Variants in BRINP1 observed in about 807,000 individuals in gnomAD.
BRINP1 encodes BMP/retinoic acid-inducible neural-specific protein 1.
A neutral mutation model predicts 72.9 loss-of-function variants in BRINP1; 17 were observed. The observed-to-expected ratio is 0.23, with a 90% CI of 0.16 to 0.35. BRINP1 has a LOEUF of 0.35. BRINP1 is among the 10% of genes least tolerant of loss of function. The pLI is 1.00. For synonymous variants in BRINP1, 418 were observed against 378.5 expected, an observed-to-expected ratio of 1.10 and a Z score of -1.21; for missense variants, 850 against 1,001.6, an observed-to-expected ratio of 0.85 and a Z score of 2.04.
intron 3 of BRINP1, among the ~76,000 whole-genome samples, chr9:119,247,657 CAAAAAAAAAAAA>C (rs3983912): frequency 1.4e-5 from 1 of 73,018 alleles, no homozygotes; most frequent in Non-Finnish European, 2.4e-5. Context: ...GACTCCGTCT[CAAAAAAAAAAAA>C]AAAAAAAAAA....
At chr9:119,319,606 T>C (rs948016082) in intron 1 of BRINP1, among the ~76,000 whole-genome samples, 53 of 152,224 alleles carry the variant, frequency 3.5e-4, no homozygotes, top group African/African-American at 1.2e-3. Flanking sequence ...TTGGTATTTA[T>C]TGAGCATCTA....
chr9:119,367,885 C>T (rs1382109475), intron 1 of BRINP1, among the ~76,000 whole-genome samples: 3 of 152,208 alleles, frequency 2.0e-5, no homozygotes, highest in Non-Finnish European at 2.9e-5. Context: ...TCTGCCTTCT[C>T]TCAATATCCC....
intron 1 of BRINP1, among the ~76,000 whole-genome samples, chr9:119,327,770 G>A (rs1443600376): frequency 1.3e-5 from 2 of 152,126 alleles, no homozygotes; most frequent in African/African-American, 4.8e-5. Flanking sequence ...TAATGCTGGT[G>A]CTATTCATGA....
intron 1 of BRINP1, among the ~76,000 whole-genome samples, chr9:119,329,889 C>T (rs1272889446): frequency 6.6e-6 from 1 of 152,174 alleles, no homozygotes. Flanking sequence ...AGATCCAAAT[C>T]CATGTAATCT....
intron 7 of BRINP1, among the ~76,000 whole-genome samples, chr9:119,188,327 ATACAGT>A (rs1829646435): frequency 1.3e-5 from 2 of 152,206 alleles, no homozygotes; most frequent in Admixed American, 1.3e-4. Flanking sequence ...TAATAGGATG[ATACAGT>A]TAAAGTGCTG....
At chr9:119,246,319 G>A (rs1380574419) in intron 3 of BRINP1, among the ~76,000 whole-genome samples, 2 of 152,318 alleles carry the variant, frequency 1.3e-5, no homozygotes, top group East Asian at 1.9e-4. Context: ...CATCATCTGT[G>A]TGGGTACAAT....
At chr9:119,267,116 A>T (rs865891119) in intron 2 of BRINP1, among the ~76,000 whole-genome samples, 1 of 152,242 alleles carries the variant, frequency 6.6e-6, no homozygotes, top group Admixed American at 6.5e-5. Flanking sequence ...TTGACACATA[A>T]TAATTGTACA....
intron 1 of BRINP1, among the ~76,000 whole-genome samples, chr9:119,349,285 C>G (rs773648946): frequency 6.6e-6 from 1 of 152,158 alleles, no homozygotes; most frequent in African/African-American, 2.4e-5. Flanking sequence ...CACAATTGCA[C>G]TGGCTGCTTA....
intron 1 of BRINP1, among the ~76,000 whole-genome samples, chr9:119,367,219 T>TATATATA (rs1219045184): frequency 8.8e-5 from 5 of 56,514 alleles, no homozygotes; most frequent in Admixed American, 4.3e-4. Context: ...GTGTGTGTGA[T>TATATATA]TGATATATAT....
At chr9:119,256,040 G>A (rs1830445298) in intron 2 of BRINP1, among the ~76,000 whole-genome samples, 1 of 149,868 alleles carries the variant, frequency 6.7e-6, no homozygotes, top group Non-Finnish European at 1.5e-5. Flanking sequence ...TTCATTCCTG[G>A]ATATCCGTGT....
At chr9:119,239,696 T>A (rs545581405) in intron 4 of BRINP1, among the ~76,000 whole-genome samples, 3 of 152,250 alleles carry the variant, frequency 2.0e-5, no homozygotes, top group Admixed American at 2.0e-4. Flanking sequence ...AACTTCCCCA[T>A]CTATAAAATG....
chr9:119,351,281 C>G (rs181444569), intron 1 of BRINP1, among the ~76,000 whole-genome samples: 1 of 152,292 alleles, frequency 6.6e-6, no homozygotes, highest in East Asian at 1.9e-4. Context: ...TACACACTCA[C>G]ACACAGAGCT....
intron 1 of BRINP1, among the ~76,000 whole-genome samples, chr9:119,341,380 C>T (rs1245322411): frequency 6.6e-6 from 1 of 152,158 alleles, no homozygotes; most frequent in Non-Finnish European, 1.5e-5. Flanking sequence ...TTGGGTGTCA[C>T]GATGTCTTGA....
chr9:119,365,531 G>A (rs962317387), intron 1 of BRINP1, among the ~76,000 whole-genome samples: 1 of 152,276 alleles, frequency 6.6e-6, no homozygotes, highest in East Asian at 1.9e-4. Context: ...TTTCCTCTAA[G>A]GAATTGGGAG....
At chr9:119,306,874 A>G (rs1831002407) in intron 2 of BRINP1, among the ~76,000 whole-genome samples, 1 of 152,162 alleles carries the variant, frequency 6.6e-6, no homozygotes, top group Non-Finnish European at 1.5e-5. Flanking sequence ...ATTTTATTCT[A>G]TGGACATACA....
At chr9:119,287,559 A>C (rs1830775488) in intron 2 of BRINP1, among the ~76,000 whole-genome samples, 1 of 152,212 alleles carries the variant, frequency 6.6e-6, no homozygotes, top group African/African-American at 2.4e-5. Context: ...TGAACAAGGA[A>C]ACAAACACAG....
At chr9:119,318,845 GTGTGT>G (rs747508383) in intron 1 of BRINP1, among the ~76,000 whole-genome samples, 28 of 37,944 alleles carry the variant, frequency 7.4e-4, no homozygotes, top group African/African-American at 1.5e-3. Flanking sequence ...AATGTGTGGG[GTGTGT>G]GTGTGTGTGT....
At chr9:119,189,303 A>G (rs1829658802) in intron 7 of BRINP1, among the ~76,000 whole-genome samples, 2 of 152,182 alleles carry the variant, frequency 1.3e-5, no homozygotes, top group Non-Finnish European at 2.9e-5. Flanking sequence ...CAATTACCCA[A>G]TATCAGTAGT....
intron 4 of BRINP1, 50 bp downstream of exon 4, chr9:119,241,997 A>G: frequency 6.4e-7 from 1 of 1,566,922 alleles, no homozygotes; most frequent in South Asian, 1.2e-5. Context: ...CCTGCATTGC[A>G]GTGTTGTTGT....
Sources: gnomAD v4.1 joint callset for allele counts (sites outside exome capture counted in the v4.1 genomes callset) on GRCh38, gnomAD v4.1.1 for gene constraint, MANE v1.5 for transcripts, NCBI Gene and HGNC (gene_info 2026-07-23, HGNC 2026-07-21) for gene names.